GCA: variants seen among roughly 807,000 people sequenced by gnomAD.
GCA encodes grancalcin, also known as grancalcin, EF-hand calcium-binding protein.
In GCA, 30 loss-of-function variants were observed where a neutral mutation model predicts 32.6. The ratio of observed to expected loss-of-function variants is 0.92; its 90% CI spans 0.69 to 1.25. The LOEUF is 1.25. GCA is among the 50% of genes most tolerant of loss of function. The pLI is 0.00. For missense variants in GCA, 291 were observed against 266.8 expected (o/e 1.09, Z -0.63); for synonymous variants, 102 against 84.6 (o/e 1.21, Z -1.13).
chr2:162,320,991 C>T (rs1683640944), intron 1 of GCA, among the ~76,000 whole-genome samples: 1 of 152,186 alleles, frequency 6.6e-6, no homozygotes, highest in African/African-American at 2.4e-5. Flanking sequence ...CATATTTTCT[C>T]ACAAGTAGGA....
rs570855548 is a variant in GCA, at chr2:162,369,714, C to T, written c.366-1592C>T. ...ATTCTGAATGTTCCTGAACTTAGGC[C>T]GGCAATCCTTATGAAATTTGTTGCA... On this transcript the variant is annotated intron_variant, in intron 4 of 4. Coordinates refer to the GCA transcript ENST00000414723. Among the ~76,000 whole-genome samples, 283 of 152,122 alleles carry T rather than the reference C, an allele frequency of 1.9e-3. 1 individual carries two copies. Among genetic ancestry groups the T allele is most frequent in the African/African-American group, 6.3e-3 (260 of 41,534 alleles).
At chr2:162,364,209 A>G (rs1685680849), downstream of GCA, among the ~76,000 whole-genome samples, 1 of 151,520 alleles carries the variant, frequency 6.6e-6, no homozygotes, top group Non-Finnish European at 1.5e-5. Context: ...AGTTGACTGT[A>G]TTATTGAATC....
intron 4 of GCA, among the ~76,000 whole-genome samples, chr2:162,370,128 C>T (rs928072250): frequency 1.3e-5 from 2 of 152,158 alleles, no homozygotes; most frequent in African/African-American, 4.8e-5. Flanking sequence ...ACTTTAATCA[C>T]ATTTTAAACA....
intron 1 of GCA, among the ~76,000 whole-genome samples, chr2:162,332,308 CA>C (rs1230075576): frequency 0.13 from 14,046 of 110,912 alleles, 770 homozygotes; most frequent in African/African-American, 0.18. Flanking sequence ...GACTCCATCT[CA>C]AAAAAAAAAA....
At chr2:162,352,885 T>G (rs1685073043) in intron 3 of GCA, among the ~76,000 whole-genome samples, 2 of 152,216 alleles carry the variant, frequency 1.3e-5, no homozygotes, top group Non-Finnish European at 2.9e-5. Flanking sequence ...TTTTACTATC[T>G]GAATGCTGCT....
intron 1 of GCA, among the ~76,000 whole-genome samples, chr2:162,335,133 C>T (rs1050452908): frequency 1.3e-5 from 2 of 152,124 alleles, no homozygotes; most frequent in African/African-American, 2.4e-5. Context: ...AGTGTGAACA[C>T]GGAACCCAAT....
intron 3 of GCA, among the ~76,000 whole-genome samples, chr2:162,356,149 G>A (rs1465698733): frequency 6.6e-6 from 1 of 151,944 alleles, no homozygotes; most frequent in Non-Finnish European, 1.5e-5. Context: ...CCAGGCTTGG[G>A]TGAAGCCAAG....
chr2:162,347,067 A>G (rs920400648), intron 1 of GCA, among the ~76,000 whole-genome samples: 2 of 152,056 alleles, frequency 1.3e-5, no homozygotes, highest in African/African-American at 2.4e-5. Flanking sequence ...AAAACTATAT[A>G]CCCTTTTCCC....
Position 162,352,215 on chromosome 2 carries a change from T to A in GCA, c.193-123T>A, listed in dbSNP as rs116349165. ...AGTAATTATCTCTAGAATTTTGTAG[T>A]TAATTATAGAGTAATGTTTCAAAGA... is the stretch of plus-strand genomic sequence containing the variant. On this transcript the variant is annotated intron_variant, in intron 2 of 7. Transcript: ENST00000437150. 1,189 of 611,558 alleles carry A rather than the reference T, an allele frequency of 1.9e-3. 2 individuals are homozygous for A. The highest frequency in any genetic ancestry group is 2.9e-3 in the Non-Finnish European group (998 of 341,604). 37.9% of individuals were successfully genotyped at this position (611,558 alleles called of 1,614,324 possible). A position where few individuals can be genotyped will look rare whatever the true frequency, so the allele number is the denominator to read the frequency against.
chr2:162,358,730 A>G (rs542580844), intron 5 of GCA, among the ~76,000 whole-genome samples: 1 of 151,566 alleles, frequency 6.6e-6, no homozygotes, highest in African/African-American at 2.4e-5. Context: ...TACTTGAAAT[A>G]TTGAAGCATT....
At chr2:162,338,030 G>T (rs754500786) in intron 1 of GCA, among the ~76,000 whole-genome samples, 1 of 152,108 alleles carries the variant, frequency 6.6e-6, no homozygotes, top group African/African-American at 2.4e-5. Flanking sequence ...TTTGATCTGT[G>T]TCTACATCCA....
chr2:162,331,956 GGC>G (rs1684100508), intron 1 of GCA, among the ~76,000 whole-genome samples: 3 of 152,062 alleles, frequency 2.0e-5, no homozygotes, highest in Non-Finnish European at 4.4e-5. Flanking sequence ...TAAATTCATT[GGC>G]CTGGGCATTG....
chr2:162,350,726 T>G (rs1331887465), intron 2 of GCA, among the ~76,000 whole-genome samples: 1 of 152,216 alleles, frequency 6.6e-6, no homozygotes, highest in African/African-American at 2.4e-5. Context: ...ATTTGATACT[T>G]TCCTTAAATT....
At chr2:162,347,344 A>T (rs920452955) in intron 1 of GCA, among the ~76,000 whole-genome samples, 1 of 152,132 alleles carries the variant, frequency 6.6e-6, no homozygotes, top group African/African-American at 2.4e-5. Flanking sequence ...GAGGCTAGTA[A>T]CTTTCTTTTT....
In GCA at chr2:162,359,499, T is replaced by C; in HGVS notation, c.574T>C (p.Phe192Leu). Residue 192 changes from phenylalanine to leucine, a missense_variant, in exon 7 of 8, where the codon TTT (phenylalanine) becomes CTT (leucine). Phe to Leu is a conservative substitution (Grantham distance 22). Coordinates refer to ENST00000437150, the MANE Select transcript of GCA (RefSeq NM_012198.5). ...AGTAATTTCTTTGTTTAAAGATTTC[T>C]TTAGGAAAAGAGACCACTTGCAACA... is the stretch of plus-strand genomic sequence containing the variant. ...CVKLRALTDF[F>L]RKRDHLQQGS... 1 of 1,493,702 alleles carries C rather than the reference T, an allele frequency of 6.7e-7. No individual in the cohort carries two copies. Among genetic ancestry groups the C allele is most frequent in the Middle Eastern group, 1.8e-4 (1 of 5,508 alleles). The allele number at this position is 1,493,702 out of a possible 1,614,324, so 92.5% of individuals were successfully genotyped here.
chr2:162,331,429 C>T (rs900715982), intron 1 of GCA, among the ~76,000 whole-genome samples: 6 of 152,192 alleles, frequency 3.9e-5, no homozygotes, highest in Admixed American at 6.5e-5. Context: ...ATTGTGTCCC[C>T]TTCAATATTT....
chr2:162,373,433 T>G (rs1576314462), downstream of GCA: 33 of 1,408,266 alleles, frequency 2.3e-5, no homozygotes, highest in Non-Finnish European at 3.0e-5. Flanking sequence ...AAACACACTG[T>G]GAGAGACACT....
At chr2:162,345,735 G>A (rs558845764) in intron 1 of GCA, among the ~76,000 whole-genome samples, 4 of 152,180 alleles carry the variant, frequency 2.6e-5, no homozygotes, top group South Asian at 4.1e-4. Context: ...TAGATTAGAG[G>A]CACTGATTTT....
chr2:162,363,798 T>A (rs539419715), downstream of GCA, among the ~76,000 whole-genome samples: 1 of 151,660 alleles, frequency 6.6e-6, no homozygotes, highest in Middle Eastern at 3.4e-3. Context: ...ATACTTAGCA[T>A]TCCTTTTTTC....
Sources: allele counts gnomAD v4.1 joint callset (sites outside exome capture counted in the v4.1 genomes callset), GRCh38; gene constraint gnomAD v4.1.1; transcripts MANE v1.5; gene names NCBI Gene and HGNC (gene_info 2026-07-23, HGNC 2026-07-21).